The following TSHZ1 variants were observed in gnomAD, a reference collection of about 807,000 sequenced individuals.
TSHZ1 encodes the protein teashirt zinc finger homeobox 1.
TSHZ1 carries 12 observed loss-of-function variants against 67.1 expected under a neutral mutation model. That is an observed-to-expected ratio of 0.18 (90% CI 0.11 to 0.29). TSHZ1 has a LOEUF of 0.29. TSHZ1 is among the 10% of genes least tolerant of loss of function. The pLI is 1.00. For synonymous variants in TSHZ1, 632 were observed against 622.4 expected (o/e 1.02, Z -0.23); for missense variants, 1,305 against 1,413.9 (o/e 0.92, Z 1.23).
intron 1 of TSHZ1, among the ~76,000 whole-genome samples, chr18:75,223,907 G>C (rs1200870763): frequency 6.6e-6 from 1 of 152,028 alleles, no homozygotes; most frequent in Non-Finnish European, 1.5e-5. Context: ...GCCTGGATGA[G>C]GTCAACCATG....
intron 1 of TSHZ1, 63 bp from the exon 2 acceptor site, chr18:75,285,385 G>A: frequency 7.1e-7 from 1 of 1,414,460 alleles, no homozygotes; most frequent in Non-Finnish European, 9.2e-7. Context: ...TCTAACTGCT[G>A]GGGAGGCTGT....
intron 1 of TSHZ1, among the ~76,000 whole-genome samples, chr18:75,229,261 C>T (rs1178115751): frequency 2.6e-5 from 4 of 152,226 alleles, no homozygotes; most frequent in African/African-American, 4.8e-5. Context: ...CCTAAAAGCC[C>T]TCTTTGGCTT....
chr18:75,241,620 T>C (rs1383269200), intron 1 of TSHZ1, among the ~76,000 whole-genome samples: 2 of 152,210 alleles, frequency 1.3e-5, no homozygotes, highest in Admixed American at 1.3e-4. Flanking sequence ...TTATGGTTCT[T>C]TTAGCCAACT....
At chr18:75,243,079 C>A (rs2023177188) in intron 1 of TSHZ1, among the ~76,000 whole-genome samples, 1 of 152,136 alleles carries the variant, frequency 6.6e-6, no homozygotes, top group African/African-American at 2.4e-5. Flanking sequence ...GGTGCAGATA[C>A]CTGGAGCACA....
intron 1 of TSHZ1, among the ~76,000 whole-genome samples, chr18:75,223,571 G>A (rs1343330868): frequency 6.6e-6 from 1 of 151,760 alleles, no homozygotes; most frequent in Non-Finnish European, 1.5e-5. Context: ...CCAGGCCCTG[G>A]AATCGAATAT....
chr18:75,244,084 G>A (rs1200754028), intron 1 of TSHZ1, among the ~76,000 whole-genome samples: 7 of 152,186 alleles, frequency 4.6e-5, no homozygotes, highest in Non-Finnish European at 1.0e-4. Flanking sequence ...TGACTAGCTA[G>A]ATCGGAGCAG....
chr18:75,240,680 G>T (rs938579738), intron 1 of TSHZ1, among the ~76,000 whole-genome samples: 1 of 152,128 alleles, frequency 6.6e-6, no homozygotes, highest in African/African-American at 2.4e-5. Flanking sequence ...GGGCGCCCGT[G>T]AGCTCCTCTG....
chr18:75,241,523 G>A (rs915852272), intron 1 of TSHZ1, among the ~76,000 whole-genome samples: 1 of 152,128 alleles, frequency 6.6e-6, no homozygotes, highest in African/African-American at 2.4e-5. Context: ...AAGGAAGCCT[G>A]GGGAGAGAGT....
In TSHZ1 at chr18:75,287,615, C is replaced by G. The variant is rs753718485; in HGVS notation, c.2208C>G (p.His736Gln). Residue 736 changes from histidine (H) to glutamine (Q), a missense_variant, in exon 2 of 2, where the codon CAC (histidine) becomes CAG (glutamine). Physicochemically the swap from His to Gln is conservative, Grantham distance 24 (BLOSUM62 0). Transcript: ENST00000580243. This position sits in a 1 kb window ranked among gnomAD's most constrained non-coding sequence, Gnocchi z 5.0. ...ACAACCTGGGGATCATCATGGACCACTCACCGGAGCCTTCCTTCATCAACC... is the reference window on the plus strand; with the variant it reads ...ACAACCTGGGGATCATCATGGACCAGTCACCGGAGCCTTCCTTCATCAACC... ...GCNNLGIIMD[H>Q]SPEPSFINPL... 6.8e-6 allele frequency: 11 copies of G among 1,614,084 alleles called. No individual in the cohort carries two copies. The Admixed American group carries it at 1.7e-4, about 24-fold the overall frequency.
chr18:75,233,401 A>C (rs997725473), intron 1 of TSHZ1, among the ~76,000 whole-genome samples: 1 of 152,200 alleles, frequency 6.6e-6, no homozygotes, highest in African/African-American at 2.4e-5. Context: ...GCTGATTTTC[A>C]TGGTGAATGT....
intron 1 of TSHZ1, among the ~76,000 whole-genome samples, chr18:75,248,047 T>G (rs116279732): frequency 0.029 from 4,399 of 152,230 alleles, 94 homozygotes; most frequent in African/African-American, 0.057. Context: ...GCCAAATAAT[T>G]TTTTTGAGGA....
chr18:75,246,403 G>GGTGTGAGTGTGTGTGTGTGTGT (rs2023222747), intron 1 of TSHZ1, among the ~76,000 whole-genome samples: 1 of 108,372 alleles, frequency 9.2e-6, no homozygotes, highest in Non-Finnish European at 1.9e-5. Context: ...TTTGGTTTCT[G>GGTGTGAGTGTGTGTGTGTGTGT]GTGTGTGTGT....
Position 75,288,636 on chromosome 18 carries a change from C to T in TSHZ1, c.3229C>T (p.Gln1077Ter). The T allele has an allele frequency of 1.3e-6, 2 of 1,588,070 alleles. No homozygotes were observed. Among genetic ancestry groups the T allele is most frequent in the Non-Finnish European group, 1.7e-6 (2 of 1,167,452 alleles). ...HLIYVTELEK[Q>*] ...GATCTATGTGACTGAGTTGGAGAAACAGTAGCGTCCAGGTATGCAAGAGAC... is the reference window on the plus strand; with the variant it reads ...GATCTATGTGACTGAGTTGGAGAAATAGTAGCGTCCAGGTATGCAAGAGAC... The change falls in exon 2 of 2, where the codon CAG becomes TAG. Residue 1077 changes from glutamine (Q) to a stop codon, truncating the protein, a stop_gained. Coordinates refer to ENST00000580243, the MANE Select transcript of TSHZ1 (RefSeq NM_001308210.2). LOFTEE classifies it high-confidence loss of function. This position sits in a 1 kb window ranked among gnomAD's most constrained non-coding sequence, Gnocchi z 4.9.
At chr18:75,232,205 G>C (rs571983875) in intron 1 of TSHZ1, among the ~76,000 whole-genome samples, 2 of 152,130 alleles carry the variant, frequency 1.3e-5, no homozygotes, top group Non-Finnish European at 2.9e-5. Flanking sequence ...GAGCCACTGC[G>C]CCCGGACTTT....
chr18:75,236,439 A>G (rs1325563108), intron 1 of TSHZ1, among the ~76,000 whole-genome samples: 1 of 152,192 alleles, frequency 6.6e-6, no homozygotes, highest in East Asian at 1.9e-4. Context: ...CCAAAGTCAC[A>G]TTGGCACCTT....
At chr18:75,258,564 T>A (rs1394775031) in intron 1 of TSHZ1, among the ~76,000 whole-genome samples, 1 of 152,236 alleles carries the variant, frequency 6.6e-6, no homozygotes, top group Non-Finnish European at 1.5e-5. Context: ...TCCTAGAGAA[T>A]GACTTTCTGT....
chr18:75,251,363 T>TA (rs1262467146), intron 1 of TSHZ1, among the ~76,000 whole-genome samples: 3 of 151,774 alleles, frequency 2.0e-5, no homozygotes, highest in Admixed American at 1.3e-4. Context: ...TTGTTTTTTT[T>TA]TTGCTCTACA....
At position 75,286,984 on chromosome 18, in the gene TSHZ1, A is replaced by G; in HGVS notation, c.1577A>G (p.Lys526Arg). 4 of 1,614,048 alleles carry G rather than the reference A, an allele frequency of 2.5e-6. No individual in the cohort carries two copies. Among genetic ancestry groups the G allele is most frequent in the Non-Finnish European group, 3.4e-6 (4 of 1,180,024 alleles). Residue 526 changes from lysine to arginine, a missense_variant, in exon 2 of 2, where the codon AAA becomes AGA. Transcript: ENST00000580243. This position sits in a 1 kb window ranked among gnomAD's most constrained non-coding sequence, Gnocchi z 5.1. ...GAGGAGAGTGAGGACAGCTTGGAGA[A>G]ATTTGAGCCCAGCACCCTGTACCCG... ...IKEESEDSLE[K>R]FEPSTLYPYL...
Position 75,287,887 on chromosome 18 carries a change from C to T in TSHZ1, c.2480C>T (p.Ser827Leu), listed in dbSNP as rs1272925884. 1.3e-5 allele frequency: 21 copies of T among 1,614,092 alleles called. No homozygotes were observed. Among genetic ancestry groups the T allele is most frequent in the Non-Finnish European group, 1.7e-5 (20 of 1,180,050 alleles). The change falls in exon 2 of 2, where the codon TCG (serine) becomes TTG (leucine). Residue 827 changes from serine (S) to leucine (L), a missense_variant. This residue lies in a region of TSHZ1 where 909 missense variants were observed against 961.8 expected (regional missense o/e 0.95). Transcript: ENST00000580243. This position sits in a 1 kb window ranked among gnomAD's most constrained non-coding sequence, Gnocchi z 5.0. ...NKPLVSSVAD[S>L]VASPLRESAL... ...CCGCTGGTGTCCAGCGTGGCTGATT[C>T]GGTGGCATCACCTCTGCGGGAGAGC...
Sources: gnomAD v4.1 joint callset for allele counts (sites outside exome capture counted in the v4.1 genomes callset) on GRCh38, gnomAD v4.1.1 for gene constraint, gnomAD v4.1.1 regional missense constraint, Gnocchi (gnomAD v3.1) non-coding constraint, MANE v1.5 for transcripts, NCBI Gene and HGNC (gene_info 2026-07-23, HGNC 2026-07-21) for gene names.